USH2A: variants seen among roughly 807,000 people sequenced by gnomAD.
The protein encoded by USH2A is usherin.
Under a neutral mutation model 538.9 loss-of-function variants are expected in USH2A, and 443 were observed. The observed-to-expected ratio is 0.82, with a 90% CI of 0.76 to 0.89. The LOEUF is 0.89. Ranked by LOEUF, USH2A falls within the 40% of genes least tolerant of loss-of-function variation. The pLI is 0.00. For synonymous variants in USH2A, 2,413 were observed against 2,273.5 expected (o/e 1.06, Z -1.75); for missense variants, 6,633 against 6,324.8 (o/e 1.05, Z -1.65).
At chr1:216,072,274 A>G (rs896237289) in intron 29 of USH2A, among the ~76,000 whole-genome samples, 1 of 152,218 alleles carries the variant, frequency 6.6e-6, no homozygotes, top group Non-Finnish European at 1.5e-5. Flanking sequence ...GTGGCCAGTC[A>G]GAAGTACAAA....
chr1:215,625,682 A>G lies in USH2A; in HGVS notation c.*99T>C, dbSNP rs567376646. On this transcript the variant is annotated 3_prime_UTR_variant, in exon 72 of 72. Coordinates refer to ENST00000307340, the MANE Select transcript of USH2A (RefSeq NM_206933.4). ...TCTTTAAAGAATTATAGGATAATAAACAATGGCTTTTCAGCATTTATGATG... is the reference window on the plus strand; with the variant it reads ...TCTTTAAAGAATTATAGGATAATAAGCAATGGCTTTTCAGCATTTATGATG... 8.9e-7 allele frequency: 1 copy of G among 1,118,620 alleles called. No individual in the cohort carries two copies. The highest frequency in any genetic ancestry group is 1.3e-5 in the South Asian group (1 of 79,128). The allele number at this position is 1,118,620 out of a possible 1,614,324, so 69.3% of individuals were successfully genotyped here.
chr1:215,835,317 G>T (rs1182015085), intron 47 of USH2A, among the ~76,000 whole-genome samples: 1 of 151,518 alleles, frequency 6.6e-6, no homozygotes, highest in African/African-American at 2.4e-5. Flanking sequence ...TATTTTTTTT[G>T]AGATCATTCT....
rs1666324647 is a variant in USH2A, at chr1:215,929,998, C to G, written c.7300+4618G>C. ...AACAAACTACTCGCAACCATTTTGC[C>G]TTTTTCAATTTTTGGTTCTCTAATA... On this transcript the variant is annotated intron_variant, in intron 38 of 71. Coordinates refer to ENST00000307340, the MANE Select transcript of USH2A (RefSeq NM_206933.4). Among the ~76,000 whole-genome samples the G allele has an allele frequency of 2.0e-5, 3 of 152,004 alleles. No individual in the cohort carries two copies. In the South Asian group the frequency reaches 6.2e-4, roughly 32 times the overall value.
intron 3 of USH2A, among the ~76,000 whole-genome samples, chr1:216,400,846 C>T (rs1264337418): frequency 6.6e-6 from 1 of 152,002 alleles, no homozygotes; most frequent in Non-Finnish European, 1.5e-5. Context: ...CAAAAATATC[C>T]TTTCGGAATG....
rs542798444 is a variant in USH2A at position 215,910,164 on chromosome 1, C to G, written c.7301-9259G>C. Among the ~76,000 whole-genome samples, 3 of 151,948 alleles carry G rather than the reference C, an allele frequency of 2.0e-5. No individual in the cohort carries two copies. In the South Asian group the frequency reaches 6.2e-4, roughly 32 times the overall value. On this transcript the variant is annotated intron_variant, in intron 38 of 71. Coordinates refer to ENST00000307340, the MANE Select transcript of USH2A (RefSeq NM_206933.4). ...TCTTTTCCAATGAAAACTTTTTTAC[C>G]TTTGATAAGCTTTTTATTATATTAG... is the stretch of plus-strand genomic sequence containing the variant.
chr1:216,107,871 T>C (rs2102582984), intron 21 of USH2A, among the ~76,000 whole-genome samples: 1 of 151,920 alleles, frequency 6.6e-6, no homozygotes, highest in East Asian at 1.9e-4. Flanking sequence ...CTATCACAAA[T>C]TAACATTATA....
intron 61 of USH2A, among the ~76,000 whole-genome samples, chr1:215,686,380 A>G (rs1339328251): frequency 6.6e-6 from 1 of 152,094 alleles, no homozygotes; most frequent in Non-Finnish European, 1.5e-5. Flanking sequence ...GGAAAGATGT[A>G]GAATTTGAGC....
At chr1:216,314,900 A>C (rs1276276278) in intron 9 of USH2A, among the ~76,000 whole-genome samples, 1 of 152,228 alleles carries the variant, frequency 6.6e-6, no homozygotes, top group African/African-American at 2.4e-5. Flanking sequence ...ATGACGAAAG[A>C]ATAGCTAAGT....
intron 32 of USH2A, among the ~76,000 whole-genome samples, chr1:216,011,314 T>G (rs1374312119): frequency 1.3e-5 from 2 of 152,168 alleles, no homozygotes; most frequent in Non-Finnish European, 2.9e-5. Context: ...TCACTTGGAC[T>G]GACCCTGACA....
At chr1:216,113,424 A>G (rs888036433) in intron 21 of USH2A, among the ~76,000 whole-genome samples, 2 of 152,144 alleles carry the variant, frequency 1.3e-5, no homozygotes, top group Non-Finnish European at 2.9e-5. Flanking sequence ...GTTTTCAGCC[A>G]CTGTCAGGCA....
chr1:215,668,188 G>A (rs1195829023), intron 64 of USH2A, among the ~76,000 whole-genome samples: 2 of 152,212 alleles, frequency 1.3e-5, no homozygotes, highest in Non-Finnish European at 1.5e-5. Context: ...ACTTGCAGAT[G>A]AAGTAACCCT....
intron 38 of USH2A, among the ~76,000 whole-genome samples, chr1:215,926,743 G>A (rs1261170817): frequency 2.0e-5 from 3 of 148,678 alleles, no homozygotes; most frequent in East Asian, 2.1e-4. Flanking sequence ...CCAGCCTCCC[G>A]AATAGCTGGA....
Position 216,421,844 on chromosome 1 carries a change from C to A in USH2A, c.485+8G>T. ...CCTATGAAAGCTTATACCTACACTA[C>A]TACTTACATTACACCTTGTTGCTCA... On this transcript the variant is annotated splice_region_variant and intron_variant, in intron 2 of 71. Transcript: ENST00000307340. 1 of 1,613,878 alleles carries A rather than the reference C, an allele frequency of 6.2e-7. No homozygotes were observed. The highest frequency in any genetic ancestry group is 8.5e-7 in the Non-Finnish European group (1 of 1,179,842).
intron 14 of USH2A, among the ~76,000 whole-genome samples, chr1:216,218,277 A>T (rs778212673): frequency 6.6e-6 from 1 of 152,134 alleles, no homozygotes; most frequent in African/African-American, 2.4e-5. Context: ...TAAAAATACC[A>T]GTAGTGGCAT....
In USH2A at chr1:216,418,917, C is replaced by T. The variant is rs116149881; in HGVS notation, c.486-238G>A. Among the ~76,000 whole-genome samples the T allele has an allele frequency of 2.9e-3, 445 of 152,184 alleles. 9 individuals carry two copies. The highest frequency in any genetic ancestry group is 1.0e-2 in the African/African-American group (414 of 41,554). ...CAATATATTCCCCAGAGCCTCAGCA[C>T]CCTTCATTAGAGATTCATGATGGAA... On this transcript the variant is annotated intron_variant, in intron 2 of 71. Transcript: ENST00000307340.
rs138456592 is a variant in USH2A at position 215,799,116 on chromosome 1, C to T, written c.9749G>A (p.Cys3250Tyr). 3 of 1,613,584 alleles carry T rather than the reference C, an allele frequency of 1.9e-6. No individual in the cohort carries two copies. The African/African-American group carries it at 4.0e-5, about 22-fold the overall frequency. ...YYARILPGEV[C>Y]CPDEQHNRVS... Reference sequence around the variant, plus strand: ...CCGATTGTGCTGTTCATCTGGACAGCATACTTCACCTGTCAATTTAGGACA... The same window carrying T: ...CCGATTGTGCTGTTCATCTGGACAGTATACTTCACCTGTCAATTTAGGACA... Residue 3250 changes from cysteine to tyrosine, a missense_variant, in exon 50 of 72, where the codon TGC becomes TAC. Cys to Tyr is a radical substitution (Grantham distance 194, BLOSUM62 -2). Transcript: ENST00000307340.
chr1:215,785,033 G>A (rs1661757405), intron 52 of USH2A, among the ~76,000 whole-genome samples: 1 of 152,170 alleles, frequency 6.6e-6, no homozygotes, highest in South Asian at 2.1e-4. Context: ...TGGACAAATT[G>A]TCCTCTATCT....
chr1:216,415,186 A>G (rs2039556302), intron 3 of USH2A, among the ~76,000 whole-genome samples: 1 of 152,058 alleles, frequency 6.6e-6, no homozygotes, highest in Non-Finnish European at 1.5e-5. Context: ...CCATACTTTA[A>G]TGACTTGTGC....
chr1:215,742,771 T>C (rs192687867), intron 59 of USH2A, among the ~76,000 whole-genome samples: 8 of 152,318 alleles, frequency 5.3e-5, no homozygotes, highest in African/African-American at 1.7e-4. Context: ...CATTTGGGTG[T>C]AATTCAACTC....
Sources: allele counts gnomAD v4.1 joint callset (sites outside exome capture counted in the v4.1 genomes callset), GRCh38; gene constraint gnomAD v4.1.1; transcripts MANE v1.5; gene names NCBI Gene and HGNC (gene_info 2026-07-23, HGNC 2026-07-21).